Variants in NRG3 observed in about 807,000 individuals in gnomAD.
NRG3 encodes the protein neuregulin 3, also known as pro-neuregulin-3, membrane-bound isoform.
In NRG3, 31 loss-of-function variants were observed where a neutral mutation model predicts 66.9. The observed-to-expected ratio is 0.46, with a 90% confidence interval of 0.35 to 0.63. NRG3 has a LOEUF of 0.63. NRG3 is among the 20% of genes least tolerant of loss of function. The probability of loss-of-function intolerance (pLI) is 0.00; values close to 1 mark genes in which losing one functional copy is unlikely to be tolerated. For synonymous variants in NRG3, 393 were observed against 359.4 expected, an observed-to-expected ratio of 1.09 and a Z score of -1.06; for missense variants, 910 against 878.9, an observed-to-expected ratio of 1.04 and a Z score of -0.45.
At chr10:82,522,515 T>C (rs1187143226) in intron 2 of NRG3, among the ~76,000 whole-genome samples, 1 of 152,128 alleles carries the variant, frequency 6.6e-6, no homozygotes, top group Admixed American at 6.5e-5. Flanking sequence ...GGTATAATTT[T>C]AATTTTAAAA....
intron 1 of NRG3, among the ~76,000 whole-genome samples, chr10:82,165,290 A>G (rs1293980032): frequency 2.0e-5 from 3 of 152,078 alleles, no homozygotes; most frequent in Non-Finnish European, 4.4e-5. Context: ...TAAAAATACG[A>G]TTTGCATTCC....
At chr10:82,524,847 C>T (rs768177544) in intron 2 of NRG3, among the ~76,000 whole-genome samples, 1 of 151,812 alleles carries the variant, frequency 6.6e-6, no homozygotes, top group Non-Finnish European at 1.5e-5. Flanking sequence ...CACTGGGACC[C>T]TCCTATGGTA....
chr10:82,176,032 G>A (rs547340317), intron 1 of NRG3, among the ~76,000 whole-genome samples: 21 of 152,128 alleles, frequency 1.4e-4, no homozygotes, highest in African/African-American at 3.6e-4. Context: ...AATTGAAAAC[G>A]TGTTCATAAG....
At position 82,270,140 on chromosome 10, in the gene NRG3, C is replaced by T. The variant is rs192417269; in HGVS notation, c.824-88599C>T. ...CTCTCTGCTTTCCTTGTCCTCACTC[C>T]CAACAACCAATCAGCTCTCATGTCC... On this transcript the variant is annotated intron_variant, in intron 1 of 8. Coordinates refer to ENST00000372141, the MANE Select transcript of NRG3 (RefSeq NM_001010848.4). Among the ~76,000 whole-genome samples, 17 of 152,268 alleles carry T rather than the reference C, an allele frequency of 1.1e-4. No individual in the cohort carries two copies. The East Asian group carries it at 3.3e-3, about 29-fold the overall frequency.
At chr10:82,185,590 T>G (rs2073753877) in intron 1 of NRG3, among the ~76,000 whole-genome samples, 1 of 152,198 alleles carries the variant, frequency 6.6e-6, no homozygotes, top group African/African-American at 2.4e-5. Flanking sequence ...TAGAAACATA[T>G]AACAATAAAC....
intron 1 of NRG3, among the ~76,000 whole-genome samples, chr10:81,915,969 T>C (rs184497861): frequency 7.2e-5 from 11 of 152,282 alleles, no homozygotes; most frequent in African/African-American, 2.6e-4. Context: ...ATGAAAAAAG[T>C]AAAAAGAAAT....
At chr10:82,669,271 A>G (rs1565185003) in intron 2 of NRG3, among the ~76,000 whole-genome samples, 1 of 149,114 alleles carries the variant, frequency 6.7e-6, no homozygotes, top group African/African-American at 2.4e-5. Context: ...TAATAATAAT[A>G]ATAATAATAA....
chr10:82,200,047 C>T (rs939432629), intron 1 of NRG3, among the ~76,000 whole-genome samples: 6 of 152,026 alleles, frequency 3.9e-5, no homozygotes, highest in Non-Finnish European at 8.8e-5. Flanking sequence ...ATAGGGTTGT[C>T]ATAAGGGTTA....
At chr10:82,884,265 G>A (rs1026084668) in intron 4 of NRG3, among the ~76,000 whole-genome samples, 2 of 152,162 alleles carry the variant, frequency 1.3e-5, no homozygotes, top group African/African-American at 4.8e-5. Flanking sequence ...CTGTCTTTTA[G>A]CAACTTCTAC....
At chr10:82,507,075 G>C (rs554415564) in intron 2 of NRG3, among the ~76,000 whole-genome samples, 3 of 152,270 alleles carry the variant, frequency 2.0e-5, no homozygotes, top group African/African-American at 7.2e-5. Context: ...GCTGTCCCAG[G>C]CCTATTAAGG....
chr10:82,719,172 T>C (rs2057148290), intron 2 of NRG3, among the ~76,000 whole-genome samples: 1 of 152,020 alleles, frequency 6.6e-6, no homozygotes, highest in African/African-American at 2.4e-5. Flanking sequence ...GCACATGCAG[T>C]TGTGTGAGAG....
intron 4 of NRG3, among the ~76,000 whole-genome samples, chr10:82,908,190 C>T (rs978978841): frequency 1.3e-5 from 2 of 152,134 alleles, no homozygotes; most frequent in African/African-American, 4.8e-5. Context: ...CAAAAGCTGC[C>T]ATGAGGAGGT....
intron 2 of NRG3, among the ~76,000 whole-genome samples, chr10:82,536,846 A>T (rs1847860024): frequency 1.3e-5 from 2 of 151,512 alleles, no homozygotes; most frequent in South Asian, 4.1e-4. Flanking sequence ...TTATTAAATA[A>T]TTTTTATTAT....
chr10:82,871,476 G>T (rs1052509889), intron 4 of NRG3, among the ~76,000 whole-genome samples: 10 of 151,848 alleles, frequency 6.6e-5, no homozygotes, highest in Non-Finnish European at 4.4e-5. Context: ...AATTTTTATT[G>T]GAATTGCATT....
intron 3 of NRG3, among the ~76,000 whole-genome samples, chr10:82,833,632 T>A (rs1382951738): frequency 6.6e-6 from 1 of 152,160 alleles, no homozygotes; most frequent in Non-Finnish European, 1.5e-5. Flanking sequence ...AGTAGGCCAA[T>A]CTAGGTCCAA....
chr10:82,911,111 A>G (rs957001587), intron 4 of NRG3, among the ~76,000 whole-genome samples: 4 of 152,196 alleles, frequency 2.6e-5, no homozygotes, highest in African/African-American at 9.7e-5. Context: ...AGGTAAATAT[A>G]TATGTATGCA....
chr10:82,158,108 A>G (rs910891167), intron 1 of NRG3, among the ~76,000 whole-genome samples: 1 of 151,698 alleles, frequency 6.6e-6, no homozygotes, highest in Non-Finnish European at 1.5e-5. Context: ...GAAAGGGGAT[A>G]TTTTGTTTTT....
At chr10:82,694,625 A>T (rs1439286864) in intron 2 of NRG3, among the ~76,000 whole-genome samples, 2 of 151,968 alleles carry the variant, frequency 1.3e-5, no homozygotes, top group Non-Finnish European at 2.9e-5. Context: ...TGTGGTGGCA[A>T]TGCCTGTAGC....
At chr10:82,779,213 G>A (rs889023065) in intron 3 of NRG3, among the ~76,000 whole-genome samples, 1 of 152,140 alleles carries the variant, frequency 6.6e-6, no homozygotes, top group Non-Finnish European at 1.5e-5. Flanking sequence ...TGTGAACACT[G>A]CAGGGTTTTT....
Sources: allele counts gnomAD v4.1 joint callset (sites outside exome capture counted in the v4.1 genomes callset), GRCh38; gene constraint gnomAD v4.1.1; transcripts MANE v1.5; gene names NCBI Gene and HGNC (gene_info 2026-07-23, HGNC 2026-07-21).